Variants in COL5A2 observed in about 807,000 individuals in gnomAD.
COL5A2 encodes the protein collagen alpha-2(V) chain.
A neutral mutation model predicts 208.2 loss-of-function variants in COL5A2; 23 were observed. That is an observed-to-expected ratio of 0.11 (90% CI 0.08 to 0.16). The LOEUF is 0.16. Among genes scored for constraint, COL5A2 ranks in the 10% least tolerant of loss-of-function variants. The pLI is 1.00. For missense variants in COL5A2, 1,590 were observed against 1,956.4 expected, an observed-to-expected ratio of 0.81 and a Z score of 3.53; for synonymous variants, 625 against 628.5, an observed-to-expected ratio of 0.99 and a Z score of 0.08.
intron 1 of COL5A2, among the ~76,000 whole-genome samples, chr2:189,136,498 A>G (rs981892395): frequency 6.5e-5 from 7 of 107,894 alleles, no homozygotes; most frequent in African/African-American, 2.5e-4. Context: ...GCATCTGTAT[A>G]TTTTTTCTTT....
At chr2:189,100,232 A>G (rs573703901) in intron 3 of COL5A2, 93 bp from the exon 4 acceptor site, 35 of 958,298 alleles carry the variant, frequency 3.7e-5, no homozygotes, top group Non-Finnish European at 5.3e-5. Flanking sequence ...CCATGTAAAC[A>G]CAGGGAATTT....
At chr2:189,405,624 C>G in the COL5A2 span, among the ~76,000 whole-genome samples, 30 of 152,116 alleles carry the variant, frequency 2.0e-4, no homozygotes, top group African/African-American at 6.5e-4. Flanking sequence ...ACTGGGGAAG[C>G]ATGCAGGAAA....
the COL5A2 span, among the ~76,000 whole-genome samples, chr2:189,269,990 C>T: frequency 5.3e-5 from 8 of 152,100 alleles, no homozygotes; most frequent in East Asian, 1.9e-4. Context: ...GGAATTTATC[C>T]ATTTCTTCTA....
At chr2:189,300,001 C>T in the COL5A2 span, among the ~76,000 whole-genome samples, 1 of 152,188 alleles carries the variant, frequency 6.6e-6, no homozygotes, top group African/African-American at 2.4e-5. Flanking sequence ...CGGCAGTTCT[C>T]ATGAAAGAAA....
chr2:189,396,970 G>A, the COL5A2 span, among the ~76,000 whole-genome samples: 12 of 130,354 alleles, frequency 9.2e-5, no homozygotes, highest in African/African-American at 3.3e-4. Context: ...CAGCCTGGGC[G>A]ACAGAGCAAG....
the COL5A2 span, among the ~76,000 whole-genome samples, chr2:189,338,515 T>C: frequency 6.6e-6 from 1 of 151,942 alleles, no homozygotes; most frequent in African/African-American, 2.4e-5. Context: ...CCTAGCCAGC[T>C]CCCCCATTCT....
chr2:189,072,046 T>G lies in COL5A2; in HGVS notation c.1152A>C (p.Gly384=). 1 of 1,603,270 alleles carries G rather than the reference T, an allele frequency of 6.2e-7. No homozygotes were observed. The highest frequency in any genetic ancestry group is 8.5e-7 in the Non-Finnish European group (1 of 1,171,952). ...PGSSGFPGNP[G]MKGEAGPTGA... ...ATTAACATTAACATCTTACCTTCAT[T>G]CCAGGATTTCCTGGAAAACCAGAAG... is the stretch of plus-strand genomic sequence containing the variant. Residue 384 remains glycine, a synonymous_variant, in exon 18 of 54, where the codon GGA becomes GGC. Coordinates refer to ENST00000374866, the MANE Select transcript of COL5A2 (RefSeq NM_000393.5).
chr2:189,375,500 A>C, the COL5A2 span, among the ~76,000 whole-genome samples: 1 of 152,202 alleles, frequency 6.6e-6, no homozygotes, highest in Non-Finnish European at 1.5e-5. Flanking sequence ...CTGTCAGGTA[A>C]TATGATGACA....
At chr2:189,059,075 G>A (rs908166979) in intron 31 of COL5A2, among the ~76,000 whole-genome samples, 182 bp from the exon 32 acceptor site, 1 of 152,068 alleles carries the variant, frequency 6.6e-6, no homozygotes, top group Non-Finnish European at 1.5e-5. Flanking sequence ...ACATGTTTTA[G>A]ATGAAAACAT....
the COL5A2 span, among the ~76,000 whole-genome samples, chr2:189,303,174 G>C: frequency 3.3e-5 from 5 of 152,096 alleles, no homozygotes; most frequent in African/African-American, 4.8e-5. Flanking sequence ...ATTTGTGGGT[G>C]GAAGACATAA....
the COL5A2 span, among the ~76,000 whole-genome samples, chr2:189,380,907 C>G: frequency 6.6e-6 from 1 of 151,800 alleles, no homozygotes; most frequent in Non-Finnish European, 1.5e-5. Flanking sequence ...TCTCTGAGTA[C>G]TTACTGACAA....
At chr2:189,379,086 C>T in the COL5A2 span, among the ~76,000 whole-genome samples, 1 of 152,058 alleles carries the variant, frequency 6.6e-6, no homozygotes, top group African/African-American at 2.4e-5. Flanking sequence ...TTCTAAGAAT[C>T]TTTTGAATAC....
At chr2:189,141,622 C>G (rs1687936395) in intron 1 of COL5A2, among the ~76,000 whole-genome samples, 1 of 152,142 alleles carries the variant, frequency 6.6e-6, no homozygotes, top group South Asian at 2.1e-4. Flanking sequence ...GTAGTTAATG[C>G]AAGTTTTAAA....
At chr2:189,161,334 T>C (rs1490320912) in intron 1 of COL5A2, among the ~76,000 whole-genome samples, 1 of 152,132 alleles carries the variant, frequency 6.6e-6, no homozygotes, top group Non-Finnish European at 1.5e-5. Context: ...TTCCTCTCAT[T>C]ATGTATTCCT....
the COL5A2 span, among the ~76,000 whole-genome samples, chr2:189,364,415 G>A: frequency 1.3e-4 from 20 of 152,246 alleles, no homozygotes; most frequent in East Asian, 2.7e-3. Context: ...GGTTGGGCCC[G>A]GTGGCTCACG....
At chr2:189,292,949 T>G in the COL5A2 span, among the ~76,000 whole-genome samples, 4 of 152,178 alleles carry the variant, frequency 2.6e-5, no homozygotes, top group Admixed American at 6.5e-5. Context: ...TTCATGTCCT[T>G]TGTAGGGACA....
chr2:189,174,508 G>A lies in COL5A2; in HGVS notation c.97+5000C>T, dbSNP rs145393184. Among the ~76,000 whole-genome samples, 10 of 151,898 alleles carry A rather than the reference G, an allele frequency of 6.6e-5. No individual in the cohort carries two copies. The East Asian group carries it at 1.7e-3, about 27-fold the overall frequency. On this transcript the variant is annotated intron_variant, in intron 1 of 53. Coordinates refer to ENST00000374866, the MANE Select transcript of COL5A2 (RefSeq NM_000393.5). Reference sequence around the variant, plus strand: ...TACCAAAATCTTAATGTGTAGCCTCGGAACATAAAAGCCAACAGGTCCACA... The same window carrying A: ...TACCAAAATCTTAATGTGTAGCCTCAGAACATAAAAGCCAACAGGTCCACA...
At chr2:189,332,599 T>C in the COL5A2 span, among the ~76,000 whole-genome samples, 13 of 152,188 alleles carry the variant, frequency 8.5e-5, no homozygotes, top group African/African-American at 1.2e-4. Context: ...GGAGTTTCCC[T>C]ACACAAGCTC....
intron 45 of COL5A2, among the ~76,000 whole-genome samples, chr2:189,047,556 C>T (rs1322971726): frequency 6.6e-6 from 1 of 152,184 alleles, no homozygotes; most frequent in Non-Finnish European, 1.5e-5. Flanking sequence ...TAAGATTACA[C>T]AGCTAATTAC....
Sources: gnomAD v4.1 joint callset for allele counts (sites outside exome capture counted in the v4.1 genomes callset) on GRCh38, gnomAD v4.1.1 for gene constraint, MANE v1.5 for transcripts, NCBI Gene and HGNC (gene_info 2026-07-23, HGNC 2026-07-21) for gene names.